Variants in INPP4B observed in about 807,000 individuals in gnomAD.
The protein encoded by INPP4B is inositol polyphosphate-4-phosphatase type II B, also known as inositol polyphosphate 4-phosphatase type II.
In INPP4B, 55 loss-of-function variants were observed where a neutral mutation model predicts 122.5. The observed-to-expected ratio is 0.45, with a 90% confidence interval of 0.36 to 0.56. The LOEUF is 0.56. Ranked by LOEUF, INPP4B falls within the 20% of genes least tolerant of loss-of-function variation. The pLI is 0.00. For missense variants in INPP4B, 1,000 were observed against 1,097.7 expected (o/e 0.91, Z 1.26); for synonymous variants, 403 against 388.7 (o/e 1.04, Z -0.43).
intron 1 of INPP4B, among the ~76,000 whole-genome samples, chr4:142,843,025 A>G (rs1783747091): frequency 6.7e-6 from 1 of 148,552 alleles, no homozygotes; most frequent in South Asian, 2.1e-4. Flanking sequence ...TCTACAAGGT[A>G]GTGAAAATAT....
intron 25 of INPP4B, among the ~76,000 whole-genome samples, chr4:142,037,342 T>TATC (rs575733799): frequency 1.2e-3 from 184 of 152,276 alleles, no homozygotes; most frequent in African/African-American, 4.2e-3. Flanking sequence ...TTTCTGCAAG[T>TATC]ATCTATGCTG....
intron 2 of INPP4B, among the ~76,000 whole-genome samples, chr4:142,541,352 G>A (rs1305093918): frequency 6.6e-6 from 1 of 152,124 alleles, no homozygotes; most frequent in Non-Finnish European, 1.5e-5. Flanking sequence ...TCTTTCCAGA[G>A]GAAGATGTTA....
At chr4:142,303,313 T>A (rs1762191637) in intron 9 of INPP4B, among the ~76,000 whole-genome samples, 1 of 152,100 alleles carries the variant, frequency 6.6e-6, no homozygotes, top group African/African-American at 2.4e-5. Context: ...GAAGCTAAAA[T>A]TAACCATGAA....
At chr4:142,430,801 T>TA (rs994893431) in intron 4 of INPP4B, among the ~76,000 whole-genome samples, 1 of 152,168 alleles carries the variant, frequency 6.6e-6, no homozygotes, top group East Asian at 1.9e-4. Context: ...TTCTACAGTA[T>TA]AAAAAAATTC....
At chr4:142,336,438 C>T (rs1212012330) in intron 7 of INPP4B, among the ~76,000 whole-genome samples, 1 of 152,210 alleles carries the variant, frequency 6.6e-6, no homozygotes, top group East Asian at 1.9e-4. Flanking sequence ...TAACATGCCC[C>T]TATCCGCCAA....
At chr4:142,590,681 T>A (rs1014484058) in intron 2 of INPP4B, among the ~76,000 whole-genome samples, 3 of 151,850 alleles carry the variant, frequency 2.0e-5, no homozygotes, top group African/African-American at 4.8e-5. Context: ...TAGCTTAATA[T>A]TGTATATAAT....
intron 2 of INPP4B, among the ~76,000 whole-genome samples, chr4:142,522,091 G>C (rs1469358503): frequency 1.3e-5 from 2 of 152,048 alleles, no homozygotes; most frequent in African/African-American, 4.8e-5. Context: ...ATGCATATAT[G>C]TAAAACAATG....
chr4:142,112,199 C>G (rs1037331452), intron 22 of INPP4B, among the ~76,000 whole-genome samples: 3 of 152,100 alleles, frequency 2.0e-5, no homozygotes, highest in African/African-American at 7.2e-5. Context: ...AAACTTGATG[C>G]TATTATCTGT....
chr4:142,718,530 G>T (rs1764105184), intron 2 of INPP4B, among the ~76,000 whole-genome samples: 1 of 152,132 alleles, frequency 6.6e-6, no homozygotes, highest in Admixed American at 6.6e-5. Context: ...TCCGCATCAG[G>T]CTCAATGATA....
intron 7 of INPP4B, among the ~76,000 whole-genome samples, chr4:142,372,636 T>A (rs1790344858): frequency 6.6e-6 from 1 of 152,058 alleles, no homozygotes; most frequent in South Asian, 2.1e-4. Context: ...TGGGCACATC[T>A]CTCTTCCCAA....
At chr4:142,381,098 T>C (rs1031861244) in intron 7 of INPP4B, among the ~76,000 whole-genome samples, 1 of 152,158 alleles carries the variant, frequency 6.6e-6, no homozygotes, top group African/African-American at 2.4e-5. Context: ...CCTGGTGTTT[T>C]GTTTCTATGA....
intron 1 of INPP4B, among the ~76,000 whole-genome samples, chr4:142,777,738 AT>A (rs1774153726): frequency 6.6e-6 from 1 of 152,324 alleles, no homozygotes; most frequent in African/African-American, 2.4e-5. Flanking sequence ...AGGGAGCCAC[AT>A]CCCCCAAGCC....
chr4:142,200,037 GTTTCAT>G (rs1561462474), intron 14 of INPP4B, among the ~76,000 whole-genome samples: 1 of 151,692 alleles, frequency 6.6e-6, no homozygotes, highest in Non-Finnish European at 1.5e-5. Context: ...GTAATTTTTT[GTTTCAT>G]TTCTCTCACA....
At chr4:142,173,525 C>G in intron 16 of INPP4B, 107 bp downstream of exon 16, 1 of 914,392 alleles carries the variant, frequency 1.1e-6, no homozygotes, top group East Asian at 2.5e-5. Context: ...TTAACCTACT[C>G]TATTTTACAT....
intron 2 of INPP4B, among the ~76,000 whole-genome samples, chr4:142,507,456 C>T (rs1338889202): frequency 6.6e-6 from 1 of 151,746 alleles, no homozygotes; most frequent in African/African-American, 2.4e-5. Flanking sequence ...AGGTAAGAGG[C>T]AAGATTAATA....
chr4:142,479,211 A>T (rs528110887), intron 2 of INPP4B, among the ~76,000 whole-genome samples: 14 of 152,344 alleles, frequency 9.2e-5, no homozygotes, highest in Middle Eastern at 3.4e-3. Flanking sequence ...ACATATGAAA[A>T]AAATGCTCCA....
At chr4:142,349,719 A>G (rs907905376) in intron 7 of INPP4B, among the ~76,000 whole-genome samples, 1 of 152,046 alleles carries the variant, frequency 6.6e-6, no homozygotes, top group Non-Finnish European at 1.5e-5. Context: ...ATCTGAATGT[A>G]ATATCAAGAG....
At chr4:142,404,362 T>C (rs1048541549) in intron 6 of INPP4B, among the ~76,000 whole-genome samples, 3 of 152,182 alleles carry the variant, frequency 2.0e-5, no homozygotes, top group Non-Finnish European at 4.4e-5. Context: ...TCAAAACATA[T>C]GCAGCTCACA....
At chr4:142,625,345 A>C (rs1002228082) in intron 2 of INPP4B, among the ~76,000 whole-genome samples, 1 of 152,138 alleles carries the variant, frequency 6.6e-6, no homozygotes, top group African/African-American at 2.4e-5. Context: ...ATAACAGACA[A>C]AGAGAGAGTC....
Sources: allele counts gnomAD v4.1 joint callset (sites outside exome capture counted in the v4.1 genomes callset), GRCh38; gene constraint gnomAD v4.1.1; transcripts MANE v1.5; gene names NCBI Gene and HGNC (gene_info 2026-07-23, HGNC 2026-07-21).